LARGE1: variants seen among roughly 807,000 people sequenced by gnomAD.
The protein encoded by LARGE1 is LARGE xylosyl- and glucuronyltransferase 1.
In LARGE1, 43 loss-of-function variants were observed where a neutral mutation model predicts 87.6. The ratio of observed to expected loss-of-function variants is 0.49; its 90% CI spans 0.38 to 0.63. The LOEUF is 0.63. Ranked by LOEUF, LARGE1 falls within the 30% of genes least tolerant of loss-of-function variation. The probability of loss-of-function intolerance (pLI) is 0.00; values close to 1 mark genes in which losing one functional copy is unlikely to be tolerated. For synonymous variants in LARGE1, 434 were observed against 394.6 expected (o/e 1.10, Z -1.18); for missense variants, 802 against 1,000.2 (o/e 0.80, Z 2.67).
At chr22:33,773,715 G>A (rs1195993824) in intron 1 of LARGE1, among the ~76,000 whole-genome samples, 1 of 152,230 alleles carries the variant, frequency 6.6e-6, no homozygotes, top group Non-Finnish European at 1.5e-5. Context: ...CAGGAGCCTG[G>A]CAACTGATTT....
At chr22:33,108,246 G>A in the LARGE1 span, among the ~76,000 whole-genome samples, 10 of 152,144 alleles carry the variant, frequency 6.6e-5, no homozygotes, top group African/African-American at 2.2e-4. Flanking sequence ...CATTCACTGA[G>A]TTTATATTAT....
chr22:33,743,832 T>C (rs1039317812), intron 2 of LARGE1, among the ~76,000 whole-genome samples: 2 of 152,190 alleles, frequency 1.3e-5, no homozygotes, highest in African/African-American at 4.8e-5. Context: ...GCACAAGACA[T>C]TCACCTTCCC....
At chr22:33,859,016 G>C (rs1160350801) in intron 1 of LARGE1, among the ~76,000 whole-genome samples, 1 of 135,678 alleles carries the variant, frequency 7.4e-6, no homozygotes, top group African/African-American at 2.7e-5. Flanking sequence ...ACAGGGAGGG[G>C]AACATCACAC....
chr22:33,240,220 C>A (rs1926448955), intron 11 of LARGE1, among the ~76,000 whole-genome samples: 1 of 152,092 alleles, frequency 6.6e-6, no homozygotes, highest in African/African-American at 2.4e-5. Flanking sequence ...AATAGTATCC[C>A]TTGTGGTTTA....
intron 1 of LARGE1, among the ~76,000 whole-genome samples, chr22:33,871,262 T>C (rs1601821298): frequency 6.6e-6 from 1 of 152,358 alleles, no homozygotes; most frequent in South Asian, 2.1e-4. Context: ...AGAATAGGAA[T>C]ACCTGGGGTG....
intron 6 of LARGE1, among the ~76,000 whole-genome samples, chr22:33,459,884 T>G (rs1214461914): frequency 7.0e-6 from 1 of 141,968 alleles, no homozygotes; most frequent in Admixed American, 7.0e-5. Flanking sequence ...AGAACAATGC[T>G]GGCAAGTTCC....
At chr22:33,420,716 T>C (rs2066660690) in intron 7 of LARGE1, among the ~76,000 whole-genome samples, 1 of 152,230 alleles carries the variant, frequency 6.6e-6, no homozygotes, top group Non-Finnish European at 1.5e-5. Context: ...CAGAGAAGCT[T>C]GGCACATTGC....
chr22:33,915,038 C>CAGAGAGAGAGAGAGAGAG (rs1385339734), intron 1 of LARGE1, among the ~76,000 whole-genome samples: 9 of 114,750 alleles, frequency 7.8e-5, no homozygotes, highest in African/African-American at 3.0e-4. Flanking sequence ...CACACACACA[C>CAGAGAGAGAGAGAGAGAG]ACACAGAGAG....
intron 1 of LARGE1, among the ~76,000 whole-genome samples, chr22:33,821,018 T>C (rs1263286889): frequency 2.0e-5 from 3 of 152,200 alleles, no homozygotes; most frequent in African/African-American, 7.2e-5. Context: ...GGCAGGAATC[T>C]TCCTTAATCA....
chr22:33,875,904 G>A, intron 1 of LARGE1, among the ~76,000 whole-genome samples: 1 of 152,134 alleles, frequency 6.6e-6, no homozygotes, highest in Non-Finnish European at 1.5e-5. Context: ...GGGGCCAGGA[G>A]CATGCTGCAT....
In LARGE1 at chr22:33,273,370, T is replaced by C. The variant is rs910158963; in HGVS notation, c.*1057A>G. On this transcript the variant is annotated 3_prime_UTR_variant, in exon 15 of 15. Transcript: ENST00000397394. Reference sequence around the variant, plus strand: ...AAGAACCAGAGGAACCCAATCACTTTCTTCCTGTAGGTCTCCAGATGGATA... The same window carrying C: ...AAGAACCAGAGGAACCCAATCACTTCCTTCCTGTAGGTCTCCAGATGGATA... The C allele has an allele frequency of 6.0e-5, 24 of 398,816 alleles. No individual in the cohort carries two copies. The highest frequency in any genetic ancestry group is 3.5e-4 in the Admixed American group (8 of 22,712). The allele number at this position is 398,816 out of a possible 1,614,324, so 24.7% of individuals were successfully genotyped here.
chr22:33,215,044 T>C lies in LARGE1; in HGVS notation c.1731-48212A>G, dbSNP rs1020119818. ...TGGGAGGGGGAGCCTCAAAAATCTC[T>C]GATATACTTTCAGGGGCATTCTTCC... is the stretch of plus-strand genomic sequence containing the variant. On this transcript the variant is annotated intron_variant, in intron 11 of 11. Coordinates refer to the LARGE1 transcript ENST00000608642. Among the ~76,000 whole-genome samples the C allele has an allele frequency of 5.3e-5, 8 of 152,334 alleles. No individual in the cohort carries two copies. The South Asian group carries it at 1.2e-3, about 24-fold the overall frequency.
At chr22:33,131,843 G>A in the LARGE1 span, among the ~76,000 whole-genome samples, 1 of 151,250 alleles carries the variant, frequency 6.6e-6, no homozygotes, top group Non-Finnish European at 1.5e-5. Context: ...AGACATACCT[G>A]AGACTAGGCA....
intron 6 of LARGE1, among the ~76,000 whole-genome samples, chr22:33,436,141 C>T (rs896085004): frequency 6.6e-6 from 1 of 152,088 alleles, no homozygotes; most frequent in Non-Finnish European, 1.5e-5. Context: ...CCTAGCCCTG[C>T]CACCTTCTAG....
intron 1 of LARGE1, among the ~76,000 whole-genome samples, chr22:33,870,067 ATTCAG>A (rs1276423278): frequency 6.6e-6 from 1 of 152,184 alleles, no homozygotes. Context: ...TGCAGATATA[ATTCAG>A]TTAAGATGAG....
intron 11 of LARGE1, among the ~76,000 whole-genome samples, chr22:33,261,944 GCT>G (rs1314903450): frequency 6.6e-6 from 1 of 152,206 alleles, no homozygotes; most frequent in African/African-American, 2.4e-5. Context: ...TAAACTCTTG[GCT>G]CTCTTTTCCC....
chr22:33,495,221 C>T (rs773266429), intron 6 of LARGE1, among the ~76,000 whole-genome samples: 5 of 152,000 alleles, frequency 3.3e-5, no homozygotes, highest in South Asian at 4.2e-4. Flanking sequence ...CTTCTCTTGG[C>T]GGAAGCTTCT....
intron 1 of LARGE1, among the ~76,000 whole-genome samples, chr22:33,891,533 T>C (rs2065007171): frequency 6.6e-6 from 1 of 152,192 alleles, no homozygotes. Context: ...TGCATGACTT[T>C]AGCAAGTAAC....
intron 5 of LARGE1, among the ~76,000 whole-genome samples, chr22:33,578,519 TAAC>T (rs577991127): frequency 1.7e-4 from 26 of 152,342 alleles, no homozygotes; most frequent in South Asian, 1.7e-3. Flanking sequence ...ATGTTTATAA[TAAC>T]AATCGCATTT....
Sources: allele counts gnomAD v4.1 joint callset (sites outside exome capture counted in the v4.1 genomes callset), GRCh38; gene constraint gnomAD v4.1.1; transcripts MANE v1.5; gene names NCBI Gene and HGNC (gene_info 2026-07-23, HGNC 2026-07-21).